Variants in RHOBTB1 observed in about 807,000 individuals in gnomAD.
The protein encoded by RHOBTB1 is Rho related BTB domain containing 1.
A neutral mutation model predicts 71.6 loss-of-function variants in RHOBTB1; 40 were observed. The observed-to-expected ratio is 0.56, with a 90% CI of 0.43 to 0.73. RHOBTB1 has a LOEUF of 0.73. Among genes scored for constraint, RHOBTB1 ranks in the 30% least tolerant of loss-of-function variants. RHOBTB1 has a pLI of 0.00. For synonymous variants in RHOBTB1, 319 were observed against 334.9 expected, an observed-to-expected ratio of 0.95 and a Z score of 0.52; for missense variants, 797 against 894.0, an observed-to-expected ratio of 0.89 and a Z score of 1.38.
At chr10:60,903,970 C>T (rs2082537380) in intron 4 of RHOBTB1, among the ~76,000 whole-genome samples, 1 of 148,504 alleles carries the variant, frequency 6.7e-6, no homozygotes, top group Non-Finnish European at 1.5e-5. Context: ...CTTTTCTTTT[C>T]TTTTTTTTTT....
At chr10:60,966,765 G>A (rs1319356568) in intron 2 of RHOBTB1, among the ~76,000 whole-genome samples, 3 of 150,634 alleles carry the variant, frequency 2.0e-5, no homozygotes, top group African/African-American at 7.3e-5. Flanking sequence ...GTATACATGT[G>A]TCATGTTGGT....
chr10:60,941,167 G>C (rs991310680), intron 2 of RHOBTB1, among the ~76,000 whole-genome samples: 3 of 152,026 alleles, frequency 2.0e-5, no homozygotes, highest in African/African-American at 7.2e-5. Context: ...TTTCCCTACT[G>C]GAAAACAATT....
chr10:60,951,914 C>T (rs1269761061), intron 2 of RHOBTB1, among the ~76,000 whole-genome samples: 6 of 118,574 alleles, frequency 5.1e-5, no homozygotes, highest in Non-Finnish European at 1.0e-4. Flanking sequence ...AAAAATTAGC[C>T]GGGCATGCTG....
chr10:60,978,700 G>C (rs925330137), intron 2 of RHOBTB1, among the ~76,000 whole-genome samples: 1 of 152,128 alleles, frequency 6.6e-6, no homozygotes, highest in Non-Finnish European at 1.5e-5. Flanking sequence ...GGGCACAAGA[G>C]AGAGCTAAGC....
intron 2 of RHOBTB1, among the ~76,000 whole-genome samples, chr10:60,936,829 T>C (rs190126692): frequency 3.9e-5 from 6 of 152,214 alleles, no homozygotes; most frequent in Non-Finnish European, 7.3e-5. Context: ...AAAACTTACA[T>C]ATAATCAATT....
At chr10:60,944,478 C>A (rs1359948672), upstream of RHOBTB1, among the ~76,000 whole-genome samples, 2 of 152,154 alleles carry the variant, frequency 1.3e-5, no homozygotes, top group Non-Finnish European at 2.9e-5. Flanking sequence ...GGCGGATCGC[C>A]CGGGACAAAC....
At chr10:60,909,670 T>A (rs1267322763) in intron 4 of RHOBTB1, among the ~76,000 whole-genome samples, 16 of 152,078 alleles carry the variant, frequency 1.1e-4, no homozygotes, top group Non-Finnish European at 2.9e-5. Context: ...GCACCTAAGA[T>A]AACAATCAAC....
chr10:60,982,580 C>T (rs893733709), intron 2 of RHOBTB1, among the ~76,000 whole-genome samples: 3 of 152,122 alleles, frequency 2.0e-5, no homozygotes, highest in Non-Finnish European at 4.4e-5. Context: ...ATACCAGTAG[C>T]ACACTCAACC....
chr10:60,900,489 T>C (rs1276356229), intron 4 of RHOBTB1, among the ~76,000 whole-genome samples: 1 of 152,222 alleles, frequency 6.6e-6, no homozygotes, highest in Non-Finnish European at 1.5e-5. Flanking sequence ...AGTTCAGCAT[T>C]GTTAACCCTG....
chr10:60,968,248 C>G (rs1029818116), intron 2 of RHOBTB1, among the ~76,000 whole-genome samples: 3 of 152,128 alleles, frequency 2.0e-5, no homozygotes, highest in African/African-American at 7.2e-5. Context: ...TCATTTAAAA[C>G]CACAGAAAGA....
chr10:60,952,212 G>A (rs2085436769), intron 2 of RHOBTB1, among the ~76,000 whole-genome samples: 1 of 152,166 alleles, frequency 6.6e-6, no homozygotes, highest in East Asian at 1.9e-4. Flanking sequence ...TGTCTTTTAT[G>A]GTGTTATCTG....
At chr10:60,924,827 T>C (rs1208672088) in intron 2 of RHOBTB1, among the ~76,000 whole-genome samples, 1 of 152,148 alleles carries the variant, frequency 6.6e-6, no homozygotes, top group African/African-American at 2.4e-5. Context: ...TAGAAATCAA[T>C]AACAAGAGGA....
At position 60,939,329 on chromosome 10, in the gene RHOBTB1, G is replaced by A. The variant is rs542672628; in HGVS notation, c.-11+2475C>T. On this transcript the variant is annotated intron_variant, in intron 2 of 10. Transcript: ENST00000337910. The stretch of plus-strand genomic sequence containing the variant: ...CAATTTTCCAATTTCTGTCCTATGG[G>A]CACAAGAAACAAAAGGTGCCAGGAA... Among the ~76,000 whole-genome samples the A allele has an allele frequency of 1.6e-4, 24 of 152,170 alleles. No homozygotes were observed. The South Asian group carries it at 3.9e-3, about 25-fold the overall frequency.
intron 2 of RHOBTB1, among the ~76,000 whole-genome samples, chr10:60,959,931 A>G (rs909018354): frequency 2.0e-5 from 3 of 152,204 alleles, no homozygotes; most frequent in Non-Finnish European, 4.4e-5. Flanking sequence ...CACATATTAA[A>G]CACACAATAA....
At chr10:60,992,345 T>G (rs1015572758) in intron 1 of RHOBTB1, among the ~76,000 whole-genome samples, 5 of 152,202 alleles carry the variant, frequency 3.3e-5, no homozygotes, top group Non-Finnish European at 5.9e-5. Flanking sequence ...GGTAGTATTT[T>G]CCAATCCTAT....
At chr10:60,908,676 T>A (rs2082806695) in intron 4 of RHOBTB1, among the ~76,000 whole-genome samples, 1 of 152,224 alleles carries the variant, frequency 6.6e-6, no homozygotes, top group South Asian at 2.1e-4. Flanking sequence ...CATAAAAATG[T>A]AACTTTTTGG....
intron 2 of RHOBTB1, among the ~76,000 whole-genome samples, chr10:60,940,268 T>A (rs2084831208): frequency 6.6e-6 from 1 of 152,220 alleles, no homozygotes; most frequent in Non-Finnish European, 1.5e-5. Context: ...TAATAATTTG[T>A]TCCCCATTTC....
At position 60,911,471 on chromosome 10, in the gene RHOBTB1, G is replaced by A. The variant is rs1457325056; in HGVS notation, c.72C>T (p.Ala24=). 6.8e-6 allele frequency: 11 copies of A among 1,614,064 alleles called. No individual in the cohort carries two copies. Among genetic ancestry groups the A allele is most frequent in the East Asian group, 6.7e-5 (3 of 44,884 alleles). Residue 24 remains alanine, a synonymous_variant, in exon 3 of 11, where the codon GCC becomes GCT. Transcript: ENST00000337910. ...CACAGATCAAGCGCGTCTTCCCCAC[G>A]GCATTGTCACCCACGACCACACATT... ...TIKCVVVGDN[A]VGKTRLICAR...
chr10:60,992,004 A>C (rs1358862660), intron 1 of RHOBTB1, among the ~76,000 whole-genome samples: 1 of 152,210 alleles, frequency 6.6e-6, no homozygotes, highest in Non-Finnish European at 1.5e-5. Flanking sequence ...CACATAGTAG[A>C]TTATCAATAA....
Sources: allele counts gnomAD v4.1 joint callset (sites outside exome capture counted in the v4.1 genomes callset), GRCh38; gene constraint gnomAD v4.1.1; transcripts MANE v1.5; gene names NCBI Gene and HGNC (gene_info 2026-07-23, HGNC 2026-07-21).